The following ENKUR variants were observed in gnomAD, a reference collection of about 807,000 sequenced individuals.
ENKUR encodes enkurin.
In ENKUR, 19 loss-of-function variants were observed where a neutral mutation model predicts 27.6. The observed-to-expected ratio is 0.69, with a 90% CI of 0.48 to 1.01. ENKUR has a LOEUF of 1.01. Ranked by LOEUF, ENKUR falls within the 50% of genes least tolerant of loss-of-function variation. The pLI is 0.00. For synonymous variants in ENKUR, 117 were observed against 96.9 expected (o/e 1.21, Z -1.22); for missense variants, 312 against 310.5 (o/e 1.00, Z -0.04).
In ENKUR at chr10:24,988,400, ATG is replaced by A. The variant is rs556420343; in HGVS notation, c.594+2061_594+2062del. ...TGTATATATGTGTATATATTTATATATGTGTATATATATTTATATATAAGTAA... is the reference window on the plus strand; with the variant it reads ...TGTATATATGTGTATATATTTATATATGTATATATATTTATATATAAGTAA... On this transcript the variant is annotated intron_variant, in intron 4 of 5. Coordinates refer to ENST00000331161, the MANE Select transcript of ENKUR (RefSeq NM_145010.4). 3.3e-3 allele frequency among the ~76,000 whole-genome samples: 476 copies of A among 145,606 alleles called. 5 individuals carry two copies. The highest frequency in any genetic ancestry group is 0.011 in the African/African-American group (460 of 40,110).
At position 24,990,531 on chromosome 10, in the gene ENKUR, T is replaced by C; in HGVS notation, c.526A>G (p.Ile176Val). The change falls in exon 4 of 6, where the codon ATC becomes GTC. Residue 176 changes from isoleucine to valine, a missense_variant. Physicochemically the swap from Ile to Val is conservative, Grantham distance 29. Coordinates refer to ENST00000331161, the MANE Select transcript of ENKUR (RefSeq NM_145010.4). ...KKAQEDYDRYIQENLKKAAMK... is the reference protein window; with the variant it reads ...KKAQEDYDRYVQENLKKAAMK... ...GCTGCTTTCTTAAGGTTTTCCTGGA[T>C]ATAACGATCATAGTCTTCTTGGGCT... 1 of 1,614,112 alleles carries C rather than the reference T, an allele frequency of 6.2e-7. No individual in the cohort carries two copies. Among genetic ancestry groups the C allele is most frequent in the Non-Finnish European group, 8.5e-7 (1 of 1,180,012 alleles).
intron 3 of ENKUR, among the ~76,000 whole-genome samples, chr10:24,995,306 C>T (rs1850022249): frequency 6.6e-6 from 1 of 152,124 alleles, no homozygotes; most frequent in Admixed American, 6.5e-5. Context: ...CAGCTTATTC[C>T]TTCTAGATTT....
chr10:24,988,262 A>G (rs868646978), intron 4 of ENKUR, among the ~76,000 whole-genome samples: 1 of 140,252 alleles, frequency 7.1e-6, no homozygotes, highest in Non-Finnish European at 1.5e-5. Flanking sequence ...GTGTATATAT[A>G]TATTTATATA....
chr10:24,987,766 T>C (rs979804765), intron 4 of ENKUR, among the ~76,000 whole-genome samples: 8 of 152,114 alleles, frequency 5.3e-5, no homozygotes, highest in African/African-American at 1.4e-4. Context: ...TTAGTCCCTA[T>C]TGATGTACTT....
rs1419769897 is a variant in ENKUR at position 25,004,348 on chromosome 10, G to A, written c.78-4802C>T. ...CCCATCTTTAGGTCTTTGAGGAATT[G>A]CCACACTGTCTTCCACAATGGTTGA... On this transcript the variant is annotated intron_variant, in intron 1 of 5. Coordinates refer to ENST00000331161, the MANE Select transcript of ENKUR (RefSeq NM_145010.4). Among the ~76,000 whole-genome samples, 4 of 152,216 alleles carry A rather than the reference G, an allele frequency of 2.6e-5. No homozygotes were observed. The East Asian group carries it at 5.8e-4, about 22-fold the overall frequency.
chr10:25,009,382 T>C (rs964154272), intron 1 of ENKUR, among the ~76,000 whole-genome samples: 5 of 152,212 alleles, frequency 3.3e-5, no homozygotes, highest in African/African-American at 1.2e-4. Context: ...ATTTGGAGTT[T>C]CAGTCACCAC....
upstream of ENKUR, among the ~76,000 whole-genome samples, chr10:25,020,441 G>A (rs1478498278): frequency 3.3e-5 from 5 of 152,042 alleles, no homozygotes; most frequent in South Asian, 1.0e-3. Flanking sequence ...TGTTAAGCAT[G>A]GTAGCAAGCA....
intron 2 of ENKUR, among the ~76,000 whole-genome samples, chr10:25,036,765 G>A (rs966646032): frequency 6.6e-6 from 1 of 152,162 alleles, no homozygotes; most frequent in Non-Finnish European, 1.5e-5. Context: ...CTAGAAGCTT[G>A]TCACAGTAAT....
chr10:25,058,956 G>A (rs1421899615), intron 2 of ENKUR, among the ~76,000 whole-genome samples: 2 of 150,766 alleles, frequency 1.3e-5, no homozygotes, highest in East Asian at 3.9e-4. Context: ...GTAAGGAGGG[G>A]GAGACCCAGG....
intron 2 of ENKUR, among the ~76,000 whole-genome samples, chr10:25,032,681 A>G (rs898262441): frequency 6.6e-6 from 1 of 152,174 alleles, no homozygotes; most frequent in African/African-American, 2.4e-5. Flanking sequence ...TTTTCATGCC[A>G]GAGACATAGA....
intron 1 of ENKUR, among the ~76,000 whole-genome samples, chr10:25,014,942 T>A (rs1220341754): frequency 6.6e-6 from 1 of 152,154 alleles, no homozygotes; most frequent in African/African-American, 2.4e-5. Flanking sequence ...ATCTCACAGA[T>A]CAGTAAACAA....
Position 24,999,439 on chromosome 10 carries a change from A to C in ENKUR, c.185T>G (p.Phe62Cys). 1 of 1,612,344 alleles carries C rather than the reference A, an allele frequency of 6.2e-7. No individual in the cohort carries two copies. Among genetic ancestry groups the C allele is most frequent in the Non-Finnish European group, 8.5e-7 (1 of 1,179,514 alleles). The change falls in exon 2 of 6, where the codon TTC becomes TGC. Residue 62 changes from phenylalanine to cysteine, a missense_variant. Transcript: ENST00000331161. ...AKVEVPSPKDFLKKHSKEKTL... is the reference protein window; with the variant it reads ...AKVEVPSPKDCLKKHSKEKTL... ...TTTTTCCTTTGAATGTTTCTTTAGG[A>C]AATCCTTTGGAGAAGGTACTTCAAC... is the stretch of plus-strand genomic sequence containing the variant.
At chr10:25,035,518 G>A (rs1457437784) in intron 2 of ENKUR, among the ~76,000 whole-genome samples, 2 of 151,316 alleles carry the variant, frequency 1.3e-5, no homozygotes, top group Non-Finnish European at 2.9e-5. Flanking sequence ...TTGCACCATT[G>A]CACTCCAGCC....
intron 2 of ENKUR, chr10:25,025,421 A>AT (rs1564351234): frequency 1.2e-6 from 2 of 1,610,544 alleles, no homozygotes; most frequent in South Asian, 2.2e-5. Flanking sequence ...TTGAAGAGTC[A>AT]TGTGGAACAA....
At chr10:25,037,993 A>G (rs1851025344) in intron 2 of ENKUR, among the ~76,000 whole-genome samples, 1 of 152,246 alleles carries the variant, frequency 6.6e-6, no homozygotes, top group Non-Finnish European at 1.5e-5. Flanking sequence ...GCAGTAAAAT[A>G]GATCCCACAA....
At chr10:25,059,713 T>C (rs1851305471) in intron 2 of ENKUR, among the ~76,000 whole-genome samples, 1 of 152,150 alleles carries the variant, frequency 6.6e-6, no homozygotes, top group Admixed American at 6.5e-5. Context: ...CCTGGAACTT[T>C]GGGAGGCCAA....
intron 2 of ENKUR, among the ~76,000 whole-genome samples, chr10:25,060,889 T>C (rs1588688982): frequency 6.6e-6 from 1 of 152,208 alleles, no homozygotes; most frequent in East Asian, 1.9e-4. Flanking sequence ...AAAAGTTTTT[T>C]TTTTTTTAGA....
upstream of ENKUR, among the ~76,000 whole-genome samples, chr10:25,018,659 GTTTTTTTTT>G (rs374289213): frequency 2.1e-5 from 2 of 93,716 alleles, no homozygotes; most frequent in Admixed American, 2.5e-4. Flanking sequence ...AATGAGAGTT[GTTTTTTTTT>G]TTTTTTTTTT....
chr10:25,019,377 G>T (rs991561763), upstream of ENKUR, among the ~76,000 whole-genome samples: 1 of 152,198 alleles, frequency 6.6e-6, no homozygotes, highest in African/African-American at 2.4e-5. Flanking sequence ...GGGAGGCTGA[G>T]GTGGGAGGAT....
Sources: allele counts gnomAD v4.1 joint callset (sites outside exome capture counted in the v4.1 genomes callset), GRCh38; gene constraint gnomAD v4.1.1; transcripts MANE v1.5; gene names NCBI Gene and HGNC (gene_info 2026-07-23, HGNC 2026-07-21).